NIBAN3: variants seen among roughly 807,000 people sequenced by gnomAD.
NIBAN3 encodes the protein niban apoptosis regulator 3.
In NIBAN3, 66 loss-of-function variants were observed where a neutral mutation model predicts 76.4. That is an observed-to-expected ratio of 0.86 (90% CI 0.71 to 1.06). NIBAN3 has a LOEUF of 1.06. Ranked by LOEUF, NIBAN3 falls within the 50% of genes least tolerant of loss-of-function variation. The pLI, the probability that NIBAN3 is intolerant of heterozygous loss-of-function variation, is 0.00. For missense variants in NIBAN3, 808 were observed against 810.7 expected, an observed-to-expected ratio of 1.00 and a Z score of 0.04; for synonymous variants, 360 against 355.2, an observed-to-expected ratio of 1.01 and a Z score of -0.15.
intron 14 of NIBAN3, among the ~76,000 whole-genome samples, chr19:17,551,516 T>C (rs2076156390): frequency 6.6e-6 from 1 of 151,952 alleles, no homozygotes; most frequent in South Asian, 2.1e-4. Context: ...CAAGCGATTC[T>C]CATGCCTCAG....
At chr19:17,524,880 C>T (rs1052703754), upstream of NIBAN3, among the ~76,000 whole-genome samples, 3 of 152,184 alleles carry the variant, frequency 2.0e-5, no homozygotes, top group African/African-American at 4.8e-5. Context: ...CAGGATTCAC[C>T]GAAGACACTT....
At position 17,539,162 on chromosome 19, in the gene NIBAN3, GCCA is replaced by G; in HGVS notation, c.609_611del (p.Ser203_Gln204delinsArg). 6.3e-7 allele frequency: 1 copy of G among 1,593,688 alleles called. No homozygotes were observed. The highest frequency in any genetic ancestry group is 8.5e-7 in the Non-Finnish European group (1 of 1,170,868). ...CAGCCCCTCTCAGTCCTGCAGCGAAGCCAGGCCCCTGCTGCCCGGGCCTTCCTG... is the reference window on the plus strand; with the variant it reads ...CAGCCCCTCTCAGTCCTGCAGCGAAGGGCCCCTGCTGCCCGGGCCTTCCTG... On this transcript the variant is annotated inframe_deletion, in exon 6 of 15. Coordinates refer to ENST00000599164, the MANE Select transcript of NIBAN3 (RefSeq NM_001321827.2).
intron 1 of NIBAN3, among the ~76,000 whole-genome samples, chr19:17,528,756 G>A (rs1053629880): frequency 3.3e-5 from 5 of 152,132 alleles, no homozygotes; most frequent in Non-Finnish European, 5.9e-5. Flanking sequence ...TGGGGCTTCT[G>A]TGCCCAAGGT....
At chr19:17,527,190 G>A, upstream of NIBAN3, 1 of 1,538,056 alleles carries the variant, frequency 6.5e-7, no homozygotes, top group Non-Finnish European at 8.8e-7. Context: ...GGAGTGGGGA[G>A]GACGCAGGTG....
chr19:17,553,995 G>A (rs143931935), downstream of NIBAN3, among the ~76,000 whole-genome samples: 1,032 of 150,506 alleles, frequency 6.9e-3, 6 homozygotes, highest in Middle Eastern at 0.027. Context: ...CTCGGCCTCC[G>A]TAGTAGCTGG....
chr19:17,531,992 C>T (rs992426695), intron 2 of NIBAN3, among the ~76,000 whole-genome samples: 14 of 152,310 alleles, frequency 9.2e-5, no homozygotes, highest in Admixed American at 3.3e-4. Context: ...CTGGGATCCA[C>T]GCTTATTACT....
chr19:17,525,362 C>G (rs2075595136), upstream of NIBAN3, among the ~76,000 whole-genome samples: 1 of 152,012 alleles, frequency 6.6e-6, no homozygotes, highest in Non-Finnish European at 1.5e-5. Flanking sequence ...TTCATTCATT[C>G]ATTCATGCAC....
At chr19:17,549,579 G>C (rs781575826) in intron 14 of NIBAN3, 52 bp downstream of exon 14, 3 of 1,414,886 alleles carry the variant, frequency 2.1e-6, no homozygotes, top group Non-Finnish European at 3.0e-6. Flanking sequence ...TGGGGGTGGG[G>C]AGGTGGAGGC....
rs1308604413 is a variant in NIBAN3, at chr19:17,543,586, C to G, written c.1509C>G (p.Ile503Met). ...TCATCCGAGGCTGGGGTCTCTGCAT[C>G]TTTTTACCTTTTGTGCTGAGCCAAC... Reference protein sequence around the residue: ...RRFIRGWGLCIFLPFVLSQLE... With the variant: ...RRFIRGWGLCMFLPFVLSQLE... Residue 503 changes from isoleucine (I) to methionine (M), a missense_variant, in exon 12 of 15, where the codon ATC becomes ATG. Coordinates refer to ENST00000599164, the MANE Select transcript of NIBAN3 (RefSeq NM_001321827.2). The G allele has an allele frequency of 5.6e-6, 9 of 1,614,072 alleles. No individual in the cohort carries two copies. The highest frequency in any genetic ancestry group is 7.6e-6 in the Non-Finnish European group (9 of 1,180,024).
At position 17,532,368 on chromosome 19, in the gene NIBAN3, G is replaced by C. The variant is rs1269093611; in HGVS notation, c.292G>C (p.Glu98Gln). The part of the protein sequence containing the change: ...FCVLRGDGRL[E>Q]WFSHKEEYEN... ...TGTTCTGCGTGGGGACGGCCGCCTA[G>C]AGTGGTTCAGCCACAAGGAGGTGCG... The change falls in exon 3 of 15, where the codon GAG becomes CAG. Residue 98 changes from glutamate (E) to glutamine (Q), a missense_variant. Glu to Gln is a conservative substitution (Grantham distance 29). Coordinates refer to ENST00000599164, the MANE Select transcript of NIBAN3 (RefSeq NM_001321827.2). 3.1e-6 allele frequency: 5 copies of C among 1,614,084 alleles called. No homozygotes were observed. The highest frequency in any genetic ancestry group is 4.2e-6 in the Non-Finnish European group (5 of 1,180,040).
chr19:17,543,683 A>G (rs1263869603), intron 12 of NIBAN3, 52 bp downstream of exon 12: 3 of 1,467,614 alleles, frequency 2.0e-6, no homozygotes, highest in African/African-American at 2.8e-5. Flanking sequence ...CCATGCATCC[A>G]CTTAAAGTGG....
At chr19:17,532,700 G>T (rs1475294900) in intron 3 of NIBAN3, among the ~76,000 whole-genome samples, 1 of 152,168 alleles carries the variant, frequency 6.6e-6, no homozygotes, top group Non-Finnish European at 1.5e-5. Flanking sequence ...GGAGCTTGGA[G>T]CGATCACTAC....
chr19:17,525,162 G>A (rs1456243927), upstream of NIBAN3, among the ~76,000 whole-genome samples: 13 of 152,120 alleles, frequency 8.5e-5, no homozygotes, highest in African/African-American at 2.4e-4. Flanking sequence ...TGACTGCTGG[G>A]AAGTGTTCAG....
chr19:17,536,946 G>A (rs1036196459), intron 4 of NIBAN3, among the ~76,000 whole-genome samples: 1 of 152,066 alleles, frequency 6.6e-6, no homozygotes, highest in African/African-American at 2.4e-5. Context: ...AGACCAGCCT[G>A]GGTAACATAG....
intron 2 of NIBAN3, among the ~76,000 whole-genome samples, chr19:17,531,461 C>T (rs62126818): frequency 0.14 from 21,097 of 151,994 alleles, 1,590 homozygotes; most frequent in Admixed American, 0.24. Context: ...ACAGATCCTG[C>T]GGTAACCTCT....
At chr19:17,535,151 A>G (rs1338436089) in intron 4 of NIBAN3, among the ~76,000 whole-genome samples, 1 of 152,218 alleles carries the variant, frequency 6.6e-6, no homozygotes, top group African/African-American at 2.4e-5. Context: ...TTGGTAATGA[A>G]CAGTGAGCTG....
upstream of NIBAN3, among the ~76,000 whole-genome samples, chr19:17,524,908 G>C (rs181274478): frequency 1.3e-5 from 2 of 152,170 alleles, no homozygotes; most frequent in African/African-American, 4.8e-5. Context: ...CTCCTTTATG[G>C]CCAGCCTGGG....
At chr19:17,531,024 C>A in intron 2 of NIBAN3, 139 bp downstream of exon 2, 2 of 1,048,774 alleles carry the variant, frequency 1.9e-6, no homozygotes, top group Non-Finnish European at 2.6e-6. Flanking sequence ...AATAAACATT[C>A]ACTGAGCAGC....
chr19:17,550,477 G>A (rs573008527), intron 14 of NIBAN3, among the ~76,000 whole-genome samples: 1 of 152,186 alleles, frequency 6.6e-6, no homozygotes, highest in Non-Finnish European at 1.5e-5. Context: ...GACCAGCCTG[G>A]ACAACATAGC....
Sources: allele counts gnomAD v4.1 joint callset (sites outside exome capture counted in the v4.1 genomes callset), GRCh38; gene constraint gnomAD v4.1.1; transcripts MANE v1.5; gene names NCBI Gene and HGNC (gene_info 2026-07-23, HGNC 2026-07-21).